The following SH3GL2 variants were observed in gnomAD, a reference collection of about 807,000 sequenced individuals.
The protein encoded by SH3GL2 is SH3 domain containing GRB2 like 2, endophilin A1, also known as endophilin-A1.
SH3GL2 carries 24 observed loss-of-function variants against 46.0 expected under a neutral mutation model. The observed-to-expected ratio is 0.52, with a 90% CI of 0.38 to 0.73. The LOEUF (loss-of-function observed/expected upper bound fraction) is 0.73, where lower values mean the gene tolerates loss of function less well. Ranked by LOEUF, SH3GL2 falls within the 30% of genes least tolerant of loss-of-function variation. SH3GL2 has a pLI of 0.00. For missense variants in SH3GL2, 413 were observed against 424.2 expected (o/e 0.97, Z 0.23); for synonymous variants, 196 against 147.1 (o/e 1.33, Z -2.40).
intron 3 of SH3GL2, among the ~76,000 whole-genome samples, chr9:17,762,107 G>C (rs185798017): frequency 6.6e-6 from 1 of 152,086 alleles, no homozygotes; most frequent in African/African-American, 2.4e-5. Flanking sequence ...GGGCAGTTTC[G>C]GTAGGCACTA....
At chr9:17,725,077 A>C (rs1341270115) in intron 1 of SH3GL2, among the ~76,000 whole-genome samples, 1 of 151,012 alleles carries the variant, frequency 6.6e-6, no homozygotes, top group Admixed American at 6.6e-5. Flanking sequence ...ATGAGATTTT[A>C]TTTTATTTTA....
intron 3 of SH3GL2, among the ~76,000 whole-genome samples, chr9:17,771,377 T>C (rs1164911748): frequency 6.6e-6 from 1 of 152,166 alleles, no homozygotes; most frequent in Admixed American, 6.6e-5. Context: ...TCAAGAAATA[T>C]TATGCACCTT....
intron 3 of SH3GL2, among the ~76,000 whole-genome samples, chr9:17,782,274 C>G (rs992999408): frequency 1.3e-5 from 2 of 152,040 alleles, no homozygotes; most frequent in Non-Finnish European, 2.9e-5. Context: ...CATGATTTAG[C>G]TTGGGAACTC....
At chr9:17,778,896 C>T (rs1002201182) in intron 3 of SH3GL2, among the ~76,000 whole-genome samples, 1 of 152,048 alleles carries the variant, frequency 6.6e-6, no homozygotes, top group Non-Finnish European at 1.5e-5. Context: ...ATTGAGAGTA[C>T]TATAGGAGGA....
At chr9:17,704,764 C>A (rs1821427384) in intron 1 of SH3GL2, among the ~76,000 whole-genome samples, 1 of 152,016 alleles carries the variant, frequency 6.6e-6, no homozygotes, top group African/African-American at 2.4e-5. Flanking sequence ...CCCTTCCTTA[C>A]ATCATCTAAA....
At chr9:17,789,801 C>G in intron 6 of SH3GL2, 1 of 976,210 alleles carries the variant, frequency 1.0e-6, no homozygotes, top group Non-Finnish European at 1.2e-6. Flanking sequence ...TGCTCCTTAA[C>G]TTATGATGGG....
At chr9:17,716,547 G>A (rs540196174) in intron 1 of SH3GL2, among the ~76,000 whole-genome samples, 14 of 152,270 alleles carry the variant, frequency 9.2e-5, no homozygotes, top group African/African-American at 2.6e-4. Flanking sequence ...TGGCCCCATG[G>A]CAGTGTGCTG....
chr9:17,711,238 A>G (rs1346341084), intron 1 of SH3GL2, among the ~76,000 whole-genome samples: 1 of 151,906 alleles, frequency 6.6e-6, no homozygotes, highest in East Asian at 1.9e-4. Flanking sequence ...TTATTTGAAG[A>G]ACTAACTTAA....
intron 1 of SH3GL2, among the ~76,000 whole-genome samples, chr9:17,727,907 T>C (rs1455235924): frequency 6.6e-6 from 1 of 152,028 alleles, no homozygotes; most frequent in African/African-American, 2.4e-5. Flanking sequence ...TCATCCTCAT[T>C]CTAGGCTCTG....
rs147666791 is a variant in SH3GL2, at chr9:17,689,989, T to C, written c.46-57077T>C. Among the ~76,000 whole-genome samples the C allele has an allele frequency of 3.7e-3, 559 of 152,274 alleles. 4 individuals are homozygous for C. The highest frequency in any genetic ancestry group is 0.018 in the South Asian group (85 of 4,822). ...GGTAGGTAGCACTGAGTAAATATCA[T>C]GTGAATGAAAGAATTCTCAAATTGT... On this transcript the variant is annotated intron_variant, in intron 1 of 8. Coordinates refer to ENST00000380607, the MANE Select transcript of SH3GL2 (RefSeq NM_003026.5).
intron 1 of SH3GL2, among the ~76,000 whole-genome samples, chr9:17,647,359 T>C (rs897622853): frequency 2.0e-5 from 3 of 152,230 alleles, no homozygotes; most frequent in African/African-American, 7.2e-5. Flanking sequence ...ATGCTAGATG[T>C]GGGTGATTTC....
At chr9:17,786,989 A>G (rs1823977064) in intron 4 of SH3GL2, among the ~76,000 whole-genome samples, 1 of 152,112 alleles carries the variant, frequency 6.6e-6, no homozygotes, top group Admixed American at 6.5e-5. Context: ...CTCAGCTACC[A>G]CACCCAACAT....
At chr9:17,702,857 T>G (rs1171802806) in intron 1 of SH3GL2, among the ~76,000 whole-genome samples, 1 of 152,100 alleles carries the variant, frequency 6.6e-6, no homozygotes, top group African/African-American at 2.4e-5. Context: ...TAAACTAAAT[T>G]TAGACATGCT....
chr9:17,767,875 A>T (rs1823360938), intron 3 of SH3GL2, among the ~76,000 whole-genome samples: 1 of 152,204 alleles, frequency 6.6e-6, no homozygotes, highest in Non-Finnish European at 1.5e-5. Flanking sequence ...GTGATGGGTG[A>T]TATAATTCAT....
chr9:17,614,778 C>T (rs1372252049), intron 1 of SH3GL2, among the ~76,000 whole-genome samples: 1 of 152,060 alleles, frequency 6.6e-6, no homozygotes, highest in African/African-American at 2.4e-5. Flanking sequence ...TCCTTTTCTA[C>T]CAAGTGAAGT....
At chr9:17,681,497 A>T (rs949471219) in intron 1 of SH3GL2, among the ~76,000 whole-genome samples, 1 of 152,048 alleles carries the variant, frequency 6.6e-6, no homozygotes, top group Non-Finnish European at 1.5e-5. Flanking sequence ...ACATGGGCTT[A>T]ATATGCAGAA....
chr9:17,781,701 C>T (rs1823814980), intron 3 of SH3GL2, among the ~76,000 whole-genome samples: 1 of 152,058 alleles, frequency 6.6e-6, no homozygotes, highest in African/African-American at 2.4e-5. Flanking sequence ...CTGGTTGTTC[C>T]AAACTCTGAA....
intron 1 of SH3GL2, among the ~76,000 whole-genome samples, chr9:17,740,197 A>C (rs1202714626): frequency 1.3e-5 from 2 of 152,150 alleles, no homozygotes; most frequent in African/African-American, 4.8e-5. Context: ...TTTTCTAAGA[A>C]AATCTTAAAT....
chr9:17,579,547 C>T (rs554893537), intron 1 of SH3GL2, among the ~76,000 whole-genome samples: 1 of 152,130 alleles, frequency 6.6e-6, no homozygotes, highest in African/African-American at 2.4e-5. Flanking sequence ...CTGCTCGCCG[C>T]CCCCGCATCA....
Sources: allele counts gnomAD v4.1 joint callset (sites outside exome capture counted in the v4.1 genomes callset), GRCh38; gene constraint gnomAD v4.1.1; transcripts MANE v1.5; gene names NCBI Gene and HGNC (gene_info 2026-07-23, HGNC 2026-07-21).